Variants in CELF1 observed in about 807,000 individuals in gnomAD.
CELF1 encodes the protein 50 kDa nuclear polyadenylated RNA-binding protein.
Under a neutral mutation model 61.8 loss-of-function variants are expected in CELF1, and 10 were observed. The ratio of observed to expected loss-of-function variants is 0.16; its 90% confidence interval spans 0.10 to 0.27. The LOEUF (loss-of-function observed/expected upper bound fraction) is 0.27. Ranked by LOEUF, CELF1 falls within the 10% of genes least tolerant of loss-of-function variation. The probability of loss-of-function intolerance (pLI) is 1.00; values close to 1 mark genes in which losing one functional copy is unlikely to be tolerated. For synonymous variants in CELF1, 236 were observed against 225.1 expected, an observed-to-expected ratio of 1.05 and a Z score of -0.43; for missense variants, 380 against 639.1, an observed-to-expected ratio of 0.59 and a Z score of 4.37.
chr11:47,531,567 T>TCAAACAAA (rs112404433), intron 1 of CELF1, among the ~76,000 whole-genome samples: 6,305 of 151,024 alleles, frequency 0.042, 199 homozygotes, highest in African/African-American at 0.093. Flanking sequence ...AGACTCCATC[T>TCAAACAAA]CAAACAAACA....
chr11:47,505,779 A>G (rs1202179494), intron 1 of CELF1, among the ~76,000 whole-genome samples: 1 of 149,768 alleles, frequency 6.7e-6, no homozygotes, highest in African/African-American at 2.4e-5. Context: ...ATACAAAAAT[A>G]CAAAAATTAG....
At chr11:47,494,944 G>T (rs1565816745) in intron 3 of CELF1, among the ~76,000 whole-genome samples, 1 of 152,196 alleles carries the variant, frequency 6.6e-6, no homozygotes, top group Non-Finnish European at 1.5e-5. Flanking sequence ...AAAGACAGGG[G>T]TCTTGCTGTG....
At chr11:47,504,682 ACC>A (rs2094320151) in intron 1 of CELF1, among the ~76,000 whole-genome samples, 1 of 151,308 alleles carries the variant, frequency 6.6e-6, no homozygotes, top group Non-Finnish European at 1.5e-5. Flanking sequence ...TGAGCAGATC[ACC>A]TAAGGTCAGG....
At chr11:47,509,031 T>A (rs1408025263) in intron 1 of CELF1, among the ~76,000 whole-genome samples, 4 of 152,114 alleles carry the variant, frequency 2.6e-5, no homozygotes, top group Non-Finnish European at 4.4e-5. Context: ...CGCCTCCCAA[T>A]GTGCTGGGAT....
intron 2 of CELF1, among the ~76,000 whole-genome samples, chr11:47,559,574 T>C (rs1197343124): frequency 6.6e-6 from 1 of 152,128 alleles, no homozygotes; most frequent in Non-Finnish European, 1.5e-5. Flanking sequence ...GATCTTAAAC[T>C]CCTGGGCTCA....
At chr11:47,553,613 A>G (rs1388538583), upstream of CELF1, among the ~76,000 whole-genome samples, 1 of 152,168 alleles carries the variant, frequency 6.6e-6, no homozygotes, top group Non-Finnish European at 1.5e-5. Flanking sequence ...CCCAGCAGAC[A>G]AGCAACAGCA....
rs1205201485 is a variant in CELF1, at chr11:47,520,817, C to A, written c.-153-19885G>T. Among the ~76,000 whole-genome samples the A allele has an allele frequency of 4.6e-5, 7 of 151,116 alleles. No homozygotes were observed. The East Asian group carries it at 5.9e-4, about 13-fold the overall frequency. On this transcript the variant is annotated intron_variant, in intron 1 of 14. Coordinates refer to ENST00000687097, the MANE Select transcript of CELF1 (RefSeq NM_001376376.1). Reference sequence around the variant, plus strand: ...GTGAGAACCAATCTCTTCCTGCGCTCCCCCCCGACCCAAAAAAGGCTAAAA... The same window carrying A: ...GTGAGAACCAATCTCTTCCTGCGCTACCCCCCGACCCAAAAAAGGCTAAAA...
In CELF1 at chr11:47,483,547, G is replaced by A. The variant is rs761806408; in HGVS notation, c.527-15C>T. ...AAATGCACAACCTGGTAAGAGAAGA[G>A]TCAGTAACTCATGCATTCATTTATT... On this transcript the variant is annotated splice_polypyrimidine_tract_variant and intron_variant, in intron 7 of 14. Transcript: ENST00000687097. The A allele has an allele frequency of 1.3e-6, 2 of 1,596,764 alleles. No homozygotes were observed. The highest frequency in any genetic ancestry group is 1.7e-6 in the Non-Finnish European group (2 of 1,164,304).
chr11:47,560,775 G>A (rs994406728), intron 2 of CELF1, among the ~76,000 whole-genome samples: 12 of 152,144 alleles, frequency 7.9e-5, no homozygotes, highest in Admixed American at 2.6e-4. Flanking sequence ...ACATTGGAGG[G>A]GGGTGGGCAT....
In CELF1 at chr11:47,492,428, T is replaced by C. The variant is rs2091894649; in HGVS notation, c.72-3404A>G. ...ATGTTCCAACAGAAATCAGCTACCA[T>C]GATGAAAAAAAGCCCTATGGCCAGG... On this transcript the variant is annotated intron_variant, in intron 3 of 14. Transcript: ENST00000687097. Among the ~76,000 whole-genome samples the C allele has an allele frequency of 3.3e-5, 5 of 152,114 alleles. No homozygotes were observed. The South Asian group carries it at 8.3e-4, about 25-fold the overall frequency.
chr11:47,559,709 A>G (rs939981037), intron 2 of CELF1, among the ~76,000 whole-genome samples: 9 of 152,204 alleles, frequency 5.9e-5, no homozygotes, highest in African/African-American at 2.2e-4. Context: ...TCACTGAGTG[A>G]AAAAAGCAGA....
At chr11:47,505,321 C>T (rs748324492) in intron 1 of CELF1, among the ~76,000 whole-genome samples, 2 of 151,230 alleles carry the variant, frequency 1.3e-5, no homozygotes, top group Non-Finnish European at 3.0e-5. Context: ...TTTATTTAAG[C>T]TCCAGTGCTG....
chr11:47,485,331 C>A (rs1279819219), intron 6 of CELF1, among the ~76,000 whole-genome samples: 1 of 152,158 alleles, frequency 6.6e-6, no homozygotes, highest in African/African-American at 2.4e-5. Context: ...CAGGTATGTA[C>A]CACCACACCC....
At chr11:47,494,869 A>C (rs1182078486) in intron 3 of CELF1, among the ~76,000 whole-genome samples, 2 of 152,266 alleles carry the variant, frequency 1.3e-5, no homozygotes, top group Non-Finnish European at 2.9e-5. Flanking sequence ...TGCACTTGCC[A>C]CATGTGGCTA....
chr11:47,474,316 T>C (rs2079023461), intron 13 of CELF1, among the ~76,000 whole-genome samples: 2 of 152,248 alleles, frequency 1.3e-5, no homozygotes, highest in Admixed American at 1.3e-4. Context: ...TCAGGGCCTC[T>C]GTACTTGCTT....
rs10690121 is a variant in CELF1 at position 47,508,675 on chromosome 11, A to AACACAC, written c.-153-7749_-153-7744dup. Among the ~76,000 whole-genome samples, 244 of 149,032 alleles carry AACACAC rather than the reference A, an allele frequency of 1.6e-3. 1 individual carries two copies. The highest frequency in any genetic ancestry group is 4.7e-3 in the African/African-American group (191 of 40,566). ...CCAAGACTTTTTAAAGGAAACCTCAAACACACACACACACACACACACATA... is the reference window on the plus strand; with the variant it reads ...CCAAGACTTTTTAAAGGAAACCTCAAACACACACACACACACACACACACACACATA... On this transcript the variant is annotated intron_variant, in intron 1 of 14. Transcript: ENST00000687097.
chr11:47,473,911 CTTTCTTTTTTTTT>C (rs1332672276), intron 13 of CELF1, among the ~76,000 whole-genome samples: 1 of 90,352 alleles, frequency 1.1e-5, no homozygotes, highest in East Asian at 3.9e-4. Flanking sequence ...CTTTTTTTTT[CTTTCTTTTTTTTT>C]GAGATAGAGG....
In CELF1 at chr11:47,482,706, G is replaced by C. The variant is rs1464172366; in HGVS notation, c.757C>G (p.Gln253Glu). 1 of 1,613,370 alleles carries C rather than the reference G, an allele frequency of 6.2e-7. No homozygotes were observed. Among genetic ancestry groups the C allele is most frequent in the Non-Finnish European group, 8.5e-7 (1 of 1,179,776 alleles). ...CCACAAAGACTCACTGCTAAATACT[G>C]GGGTCCAAGAGTATTTAGACCAGCA... Reference protein sequence around the residue: ...NLAGLNTLGPQYLALYLQLLQ... With the variant: ...NLAGLNTLGPEYLALYLQLLQ... The change falls in exon 9 of 15, where the codon CAG becomes GAG. Residue 253 changes from glutamine to glutamate, a missense_variant. Transcript: ENST00000687097.
chr11:47,506,438 A>G (rs1369752481), intron 1 of CELF1, among the ~76,000 whole-genome samples: 3 of 137,092 alleles, frequency 2.2e-5, no homozygotes, highest in African/African-American at 1.0e-4. Flanking sequence ...CAAAAAAAAG[A>G]AAAAAAAAAT....
Sources: gnomAD v4.1 joint callset for allele counts (sites outside exome capture counted in the v4.1 genomes callset) on GRCh38, gnomAD v4.1.1 for gene constraint, MANE v1.5 for transcripts, NCBI Gene and HGNC (gene_info 2026-07-23, HGNC 2026-07-21) for gene names.